PCDHGA2: variants seen among roughly 807,000 people sequenced by gnomAD.
PCDHGA2 encodes protocadherin gamma-A2.
A neutral mutation model predicts 59.2 loss-of-function variants in PCDHGA2; 40 were observed. The ratio of observed to expected loss-of-function variants is 0.68; its 90% CI spans 0.52 to 0.88. The LOEUF (loss-of-function observed/expected upper bound fraction) is 0.88, where lower values mean the gene tolerates loss of function less well. Among genes scored for constraint, PCDHGA2 ranks in the 40% least tolerant of loss-of-function variants. The pLI is 0.00. For synonymous variants in PCDHGA2, 560 were observed against 526.0 expected (o/e 1.06, Z -0.89); for missense variants, 1,226 against 1,204.0 (o/e 1.02, Z -0.27).
chr5:141,430,939 G>A, intron 1 of PCDHGA2: 1 of 1,607,854 alleles, frequency 6.2e-7, no homozygotes, highest in South Asian at 1.1e-5. Flanking sequence ...GGGAGCTCGC[G>A]GAGCGCGGAG....
intron 1 of PCDHGA2, chr5:141,478,477 C>T: frequency 6.2e-7 from 1 of 1,613,796 alleles, no homozygotes; most frequent in Non-Finnish European, 8.5e-7. Flanking sequence ...GCCGCCAGAA[C>T]ACGCTGCGGA....
chr5:141,371,119 T>A lies in PCDHGA2; in HGVS notation c.2424+29724T>A, dbSNP rs567260577. 2.4e-4 allele frequency: 393 copies of A among 1,613,958 alleles called. 4 individuals are homozygous for A. The South Asian group carries it at 3.8e-3, about 16-fold the overall frequency. ...GATGCAAATGATAACCCCCCAGTAT[T>A]TACTCAGGACATGTACAGGGTCAAT... On this transcript the variant is annotated intron_variant, in intron 1 of 3. Coordinates refer to ENST00000394576, the MANE Select transcript of PCDHGA2 (RefSeq NM_018915.4).
intron 2 of PCDHGA2, among the ~76,000 whole-genome samples, chr5:141,502,048 ACTTTATTCC>A (rs1055762924): frequency 6.6e-5 from 10 of 151,746 alleles, no homozygotes; most frequent in African/African-American, 2.4e-4. Context: ...TGCTCTCCCT[ACTTTATTCC>A]CATTAGCCCC....
chr5:141,493,052 T>G lies in PCDHGA2; in HGVS notation c.2425-1755T>G, dbSNP rs1362566525. 6.6e-6 allele frequency among the ~76,000 whole-genome samples: 1 copy of G among 152,104 alleles called. No individual in the cohort carries two copies. The highest frequency in any genetic ancestry group is 2.4e-5 in the African/African-American group (1 of 41,416). Reference sequence around the variant, plus strand: ...CTTATGTGTGAGGAAACTACAATAGTAAAAAACACAAGTTTCTCCAACTCC... The same window carrying G: ...CTTATGTGTGAGGAAACTACAATAGGAAAAAACACAAGTTTCTCCAACTCC... On this transcript the variant is annotated intron_variant, in intron 1 of 3. Coordinates refer to ENST00000394576, the MANE Select transcript of PCDHGA2 (RefSeq NM_018915.4). This position sits in a 1 kb window ranked among gnomAD's most constrained non-coding sequence, Gnocchi z 4.3.
At chr5:141,483,737 G>T (rs1052778197) in intron 1 of PCDHGA2, among the ~76,000 whole-genome samples, 1 of 152,102 alleles carries the variant, frequency 6.6e-6, no homozygotes, top group Admixed American at 6.5e-5. Flanking sequence ...TAGTCAAAAG[G>T]ATATTCCTGA....
intron 1 of PCDHGA2, chr5:141,428,217 C>A: frequency 8.3e-7 from 1 of 1,211,998 alleles, no homozygotes; most frequent in Non-Finnish European, 1.2e-6. Context: ...TTCACCTAGT[C>A]TTCGCAGACA....
At chr5:141,428,185 G>T (rs775261215) in intron 1 of PCDHGA2, 286 of 1,446,232 alleles carry the variant, frequency 2.0e-4, no homozygotes, top group Non-Finnish European at 2.5e-4. Context: ...GAGGACAGCC[G>T]CCGCTCTCTG....
At chr5:141,365,026 C>T in intron 1 of PCDHGA2, 1 of 1,613,890 alleles carries the variant, frequency 6.2e-7, no homozygotes, top group Admixed American at 1.7e-5. Flanking sequence ...GTGTTACGGT[C>T]CTCGACGCAA....
At chr5:141,349,567 G>A (rs990181997) in intron 1 of PCDHGA2, among the ~76,000 whole-genome samples, 7 of 151,960 alleles carry the variant, frequency 4.6e-5, no homozygotes, top group African/African-American at 7.3e-5. Context: ...TAATAGTAAG[G>A]CTGTGATTTC....
chr5:141,408,337 G>T (rs1191967573), intron 1 of PCDHGA2: 3 of 1,613,954 alleles, frequency 1.9e-6, no homozygotes, highest in Non-Finnish European at 2.5e-6. Context: ...CCAAGGGCTC[G>T]GTGGTGGGGA....
In PCDHGA2 at chr5:141,441,877, C is replaced by T. The variant is rs945298341; in HGVS notation, c.2425-52930C>T. ...GCTGCACGCCGCGGAGCCTGGCTACCTGGTCACCAAGGTGGTGGCTGTAGA... is the reference window on the plus strand; with the variant it reads ...GCTGCACGCCGCGGAGCCTGGCTACTTGGTCACCAAGGTGGTGGCTGTAGA... On this transcript the variant is annotated intron_variant, in intron 1 of 3. Transcript: ENST00000394576. 4 of 343,582 alleles carry T rather than the reference C, an allele frequency of 1.2e-5. No homozygotes were observed. In the Admixed American group the frequency reaches 1.6e-4, roughly 13 times the overall value. 21.3% of individuals were successfully genotyped at this position (343,582 alleles called of 1,614,324 possible).
chr5:141,361,845 T>C, intron 1 of PCDHGA2: 2 of 1,612,744 alleles, frequency 1.2e-6, no homozygotes, highest in Non-Finnish European at 1.7e-6. Flanking sequence ...TGGGGCCTGA[T>C]GGCTCCGCCC....
Position 141,346,068 on chromosome 5 carries a change from G to A in PCDHGA2, c.2424+4673G>A, listed in dbSNP as rs201885897. The stretch of plus-strand genomic sequence containing the variant: ...CATCCTGGCCGACCTGGGCAGCCTC[G>A]AGCCCTCCGCCAAACCCAACGATTC... On this transcript the variant is annotated intron_variant, in intron 1 of 3. Coordinates refer to ENST00000394576, the MANE Select transcript of PCDHGA2 (RefSeq NM_018915.4). 1.8e-3 allele frequency: 2,977 copies of A among 1,613,588 alleles called. 86 individuals carry two copies. In the East Asian group the frequency reaches 0.052, roughly 28 times the overall value.
At chr5:141,422,044 G>C in intron 1 of PCDHGA2, 1 of 1,611,530 alleles carries the variant, frequency 6.2e-7, no homozygotes, top group Admixed American at 1.7e-5. Flanking sequence ...TCCAGACGAG[G>C]GAATCAACGG....
intron 1 of PCDHGA2, chr5:141,389,865 G>A: frequency 1.2e-6 from 2 of 1,614,080 alleles, no homozygotes; most frequent in Non-Finnish European, 1.7e-6. Flanking sequence ...GTTGCACCTG[G>A]TCTTCGCCGA....
chr5:141,415,740 G>GTTTTTTTTTTT (rs57426385), intron 1 of PCDHGA2: 102 of 625,036 alleles, frequency 1.6e-4, no homozygotes, highest in Admixed American at 2.1e-4. Context: ...GTTTATTAAG[G>GTTTTTTTTTTT]TTTTTTTTTT....
chr5:141,403,661 G>C (rs2094439419), intron 1 of PCDHGA2: 1 of 1,613,904 alleles, frequency 6.2e-7, no homozygotes, highest in Non-Finnish European at 8.5e-7. Context: ...GGATACAAAT[G>C]ATAATGCCCC....
At chr5:141,400,856 A>G (rs1026499885) in intron 1 of PCDHGA2, among the ~76,000 whole-genome samples, 6 of 152,192 alleles carry the variant, frequency 3.9e-5, no homozygotes, top group Non-Finnish European at 8.8e-5. Context: ...ATTTTATTGT[A>G]TGTAGATAAA....
At chr5:141,389,609 G>A (rs1188923316) in intron 1 of PCDHGA2, 3 of 1,612,966 alleles carry the variant, frequency 1.9e-6, no homozygotes, top group South Asian at 2.2e-5. Flanking sequence ...TCTTCGATAT[G>A]GTGCCGCACG....
Sources: gnomAD v4.1 joint callset for allele counts (sites outside exome capture counted in the v4.1 genomes callset) on GRCh38, gnomAD v4.1.1 for gene constraint, Gnocchi (gnomAD v3.1) non-coding constraint, MANE v1.5 for transcripts, NCBI Gene and HGNC (gene_info 2026-07-23, HGNC 2026-07-21) for gene names.